KIF12: variants seen among roughly 807,000 people sequenced by gnomAD.
KIF12 encodes the protein kinesin-like protein KIF12.
KIF12 carries 80 observed loss-of-function variants against 87.9 expected under a neutral mutation model. The ratio of observed to expected loss-of-function variants is 0.91; its 90% CI spans 0.76 to 1.10. KIF12 has a LOEUF of 1.10. Ranked by LOEUF, KIF12 falls within the 50% of genes least tolerant of loss-of-function variation. KIF12 has a pLI of 0.00. For missense variants in KIF12, 819 were observed against 865.3 expected (o/e 0.95, Z 0.67); for synonymous variants, 353 against 348.5 (o/e 1.01, Z -0.14).
chr9:114,098,246 G>A, intron 4 of KIF12, 56 bp from the exon 5 acceptor site: 2 of 1,521,838 alleles, frequency 1.3e-6, no homozygotes, highest in Non-Finnish European at 8.8e-7. Context: ...TGGGGGCTGG[G>A]GGTGCTTCGG....
chr9:114,097,546 C>A, intron 6 of KIF12, 61 bp downstream of exon 6: 1 of 1,603,132 alleles, frequency 6.2e-7, no homozygotes, highest in Admixed American at 1.7e-5. Flanking sequence ...GATCCAGGCT[C>A]CCTGGAAAGA....
At chr9:114,092,798 G>T (rs953567613) in intron 16 of KIF12, 156 bp from the exon 17 acceptor site, 1 of 1,463,158 alleles carries the variant, frequency 6.8e-7, no homozygotes, top group African/African-American at 1.4e-5. Context: ...GTCGCCTTCT[G>T]TGTGCAGCAG....
At chr9:114,093,716 G>A (rs757285039) in intron 14 of KIF12, among the ~76,000 whole-genome samples, 170 bp downstream of exon 14, 1 of 152,240 alleles carries the variant, frequency 6.6e-6, no homozygotes, top group Non-Finnish European at 1.5e-5. Context: ...CCCAGGCAGT[G>A]AGAAGTTAAA....
At position 114,095,138 on chromosome 9, in the gene KIF12, C is replaced by T; in HGVS notation, c.1015-11G>A. The T allele has an allele frequency of 1.9e-6, 3 of 1,605,636 alleles. No individual in the cohort carries two copies. Among genetic ancestry groups the T allele is most frequent in the Non-Finnish European group, 2.6e-6 (3 of 1,175,916 alleles). ...GGACACGCAGGCCACCTGGGGAGTG[C>T]ACTCCCCCTGAGCGCTCCTCTCTGA... is the stretch of plus-strand genomic sequence containing the variant. On this transcript the variant is annotated splice_polypyrimidine_tract_variant and intron_variant, in intron 10 of 18. Coordinates refer to ENST00000640217, the MANE Select transcript of KIF12 (RefSeq NM_001388308.1).
chr9:114,095,864 G>A (rs1263247992), intron 9 of KIF12, among the ~76,000 whole-genome samples, 187 bp downstream of exon 9: 4 of 152,230 alleles, frequency 2.6e-5, no homozygotes, highest in Admixed American at 1.3e-4. Context: ...ACATTCATAA[G>A]CAGTGTTTTA....
At chr9:114,098,850 G>A in intron 3 of KIF12, 85 bp downstream of exon 3, 4 of 1,455,182 alleles carry the variant, frequency 2.7e-6, no homozygotes, top group Non-Finnish European at 3.7e-6. Flanking sequence ...GGGGGAGCGC[G>A]GGGCCTAGGG....
intron 3 of KIF12, 56 bp from the exon 4 acceptor site, chr9:114,098,485 GA>G: frequency 7.3e-7 from 1 of 1,377,222 alleles, no homozygotes; most frequent in Non-Finnish European, 9.4e-7. Flanking sequence ...GGGCACCCTG[GA>G]GGGGCGGGGC....
At position 114,093,490 on chromosome 9, in the gene KIF12, G is replaced by A. The variant is rs750964745; in HGVS notation, c.1408C>T (p.Leu470Phe). 2.1e-5 allele frequency: 33 copies of A among 1,557,450 alleles called. No homozygotes were observed. Among genetic ancestry groups the A allele is most frequent in the Non-Finnish European group, 2.3e-5 (27 of 1,150,080 alleles). The change falls in exon 15 of 19, where the codon CTC (leucine) becomes TTC (phenylalanine). Residue 470 changes from leucine (L) to phenylalanine (F), a missense_variant. Transcript: ENST00000640217. ...TGCTGGTGATGGTAGCAGGCAGAGA[G>A]GAGACGCCTAGAAAGAACAGCAGGG... ...QQVHALERRL[L>F]SACYHHQQGP...
At chr9:114,094,566 T>G in intron 11 of KIF12, 111 bp from the exon 12 acceptor site, 1 of 652,032 alleles carries the variant, frequency 1.5e-6, no homozygotes, top group Non-Finnish European at 2.7e-6. Context: ...CCATGCTTCA[T>G]TCGTCAGCCT....
chr9:114,097,181 C>T (rs1324586717), intron 7 of KIF12, 120 bp downstream of exon 7: 3 of 1,331,394 alleles, frequency 2.3e-6, no homozygotes, highest in Non-Finnish European at 3.0e-6. Context: ...GGTCCTTCCC[C>T]ACCTCCCCCA....
At chr9:114,098,879 G>A in intron 3 of KIF12, 56 bp downstream of exon 3, 2 of 1,525,984 alleles carry the variant, frequency 1.3e-6, no homozygotes, top group Admixed American at 2.0e-5. Flanking sequence ...CCTGGGGGAA[G>A]GGATCTGGCG....
At chr9:114,097,540 C>T in intron 6 of KIF12, 67 bp downstream of exon 6, 1 of 1,600,584 alleles carries the variant, frequency 6.2e-7, no homozygotes, top group Non-Finnish European at 8.5e-7. Flanking sequence ...TCCTTTGATC[C>T]AGGCTCCCTG....
chr9:114,096,647 G>T (rs528572687), intron 7 of KIF12, among the ~76,000 whole-genome samples, 169 bp from the exon 8 acceptor site: 35 of 152,340 alleles, frequency 2.3e-4, no homozygotes, highest in African/African-American at 8.2e-4. Flanking sequence ...CCCTGCTCTA[G>T]CAGAGATGGG....
At chr9:114,093,118 C>G in intron 16 of KIF12, 111 bp downstream of exon 16, 2 of 1,207,386 alleles carry the variant, frequency 1.7e-6, no homozygotes, top group Non-Finnish European at 2.4e-6. Flanking sequence ...CATTCACTCC[C>G]CATGATCTAG....
intron 1 of KIF12, 40 bp from the exon 2 acceptor site, chr9:114,099,209 G>C: frequency 6.4e-7 from 1 of 1,550,878 alleles, no homozygotes; most frequent in Non-Finnish European, 8.7e-7. Context: ...TGCACCTAGC[G>C]GCTGTTCAGG....
intron 5 of KIF12, 85 bp from the exon 6 acceptor site, chr9:114,097,826 A>C: frequency 6.9e-7 from 1 of 1,445,314 alleles, no homozygotes; most frequent in South Asian, 1.3e-5. Flanking sequence ...TGCGCCGGGA[A>C]ACGTGCCAAG....
In KIF12 at chr9:114,098,317, T is replaced by A; in HGVS notation, c.284A>T (p.Glu95Val). 2.7e-6 allele frequency: 4 copies of A among 1,465,192 alleles called. No homozygotes were observed. The highest frequency in any genetic ancestry group is 2.4e-4 in the Middle Eastern group (1 of 4,190). 90.8% of individuals were successfully genotyped at this position (1,465,192 alleles called of 1,614,324 possible). Residue 95 changes from glutamate (E) to valine (V), a missense_variant, in exon 4 of 19, where the codon GAG becomes GTG. Glu to Val is a moderately radical substitution (Grantham distance 121). Transcript: ENST00000640217. ...CTTCACTCACCCGCGCAGCGCCAGC[T>A]CCCCCAGGCGCCGCACGCCGCACGC... ...FRACGVRRLG[E>V]LALRGFSCTV...
intron 18 of KIF12, 31 bp downstream of exon 18, chr9:114,092,302 T>C (rs774259901): frequency 1.3e-6 from 2 of 1,521,306 alleles, no homozygotes; most frequent in Non-Finnish European, 1.8e-6. Flanking sequence ...ACAGAGAACA[T>C]TAGGGGCCCC....
chr9:114,097,470 ATCTT>A (rs1325261650), intron 6 of KIF12, 34 bp from the exon 7 acceptor site: 2 of 1,578,936 alleles, frequency 1.3e-6, no homozygotes, highest in Non-Finnish European at 1.7e-6. Context: ...AGGGAAGGGG[ATCTT>A]TCTGAGTCCA....
Sources: allele counts gnomAD v4.1 joint callset (sites outside exome capture counted in the v4.1 genomes callset), GRCh38; gene constraint gnomAD v4.1.1; transcripts MANE v1.5; gene names NCBI Gene and HGNC (gene_info 2026-07-23, HGNC 2026-07-21).